MCHR2: variants seen among roughly 807,000 people sequenced by gnomAD.
The protein encoded by MCHR2 is melanin-concentrating hormone receptor 2.
MCHR2 carries 15 observed loss-of-function variants against 24.8 expected under a neutral mutation model. That is an observed-to-expected ratio of 0.60 (90% CI 0.40 to 0.93). The LOEUF (loss-of-function observed/expected upper bound fraction) is 0.93. Ranked by LOEUF, MCHR2 falls within the 40% of genes least tolerant of loss-of-function variation. The pLI, the probability that MCHR2 is intolerant of heterozygous loss-of-function variation, is 0.00. For missense variants in MCHR2, 386 were observed against 408.7 expected (o/e 0.94, Z 0.48); for synonymous variants, 151 against 147.6 (o/e 1.02, Z -0.17).
intron 1 of MCHR2, among the ~76,000 whole-genome samples, chr6:99,985,275 G>A (rs942132078): frequency 1.3e-5 from 2 of 152,046 alleles, no homozygotes; most frequent in African/African-American, 4.8e-5. Context: ...CAGATTCAAT[G>A]AAATTCCTAT....
intron 1 of MCHR2, among the ~76,000 whole-genome samples, chr6:99,971,288 T>C (rs1775412799): frequency 6.6e-6 from 1 of 151,002 alleles, no homozygotes; most frequent in Non-Finnish European, 1.5e-5. Context: ...CCCTTGTAAG[T>C]TGGATTCCTA....
At chr6:99,982,927 G>A (rs9496085) in intron 1 of MCHR2, among the ~76,000 whole-genome samples, 49,242 of 151,770 alleles carry the variant, frequency 0.32, 8,526 homozygotes, top group East Asian at 0.55. Flanking sequence ...GGCTGGTGCC[G>A]GCCATGATGT....
intron 1 of MCHR2, among the ~76,000 whole-genome samples, chr6:99,993,299 C>T (rs779543981): frequency 6.6e-6 from 1 of 152,206 alleles, no homozygotes; most frequent in Non-Finnish European, 1.5e-5. Context: ...TCTCTGACAG[C>T]CGCTAACTAA....
chr6:99,974,269 T>G (rs199902336), intron 1 of MCHR2, among the ~76,000 whole-genome samples: 22 of 81,776 alleles, frequency 2.7e-4, no homozygotes, highest in Admixed American at 2.1e-3. Flanking sequence ...CTTTTTATTC[T>G]TTTTTCTCCA....
intron 1 of MCHR2, among the ~76,000 whole-genome samples, chr6:99,978,519 A>G (rs1307692667): frequency 1.4e-5 from 2 of 145,878 alleles, no homozygotes; most frequent in South Asian, 2.2e-4. Context: ...CCCGGGTTCA[A>G]GTGATTCTCC....
intron 2 of MCHR2, among the ~76,000 whole-genome samples, chr6:99,953,177 A>G (rs1270514215): frequency 6.6e-6 from 1 of 152,180 alleles, no homozygotes; most frequent in Non-Finnish European, 1.5e-5. Context: ...GAGGGATCCA[A>G]GAAATTTCTC....
intron 5 of MCHR2, among the ~76,000 whole-genome samples, chr6:99,932,405 A>G (rs1774565625): frequency 6.6e-6 from 1 of 152,184 alleles, no homozygotes; most frequent in African/African-American, 2.4e-5. Flanking sequence ...CAGCAGATGG[A>G]GCTTAATTCC....
In MCHR2 at chr6:99,937,841, T is replaced by C. The variant is rs116327856; in HGVS notation, c.588-3324A>G. Among the ~76,000 whole-genome samples, 909 of 152,030 alleles carry C rather than the reference T, an allele frequency of 6.0e-3. 10 individuals are homozygous for C. Among genetic ancestry groups the C allele is most frequent in the African/African-American group, 0.021 (870 of 41,532 alleles). On this transcript the variant is annotated intron_variant, in intron 4 of 5. Transcript: ENST00000281806. ...AATGAAGTCATCAGGTCCTGGACTT[T>C]CCTTTGATGAAAGACTTTTTGTTAC...
At chr6:99,989,361 C>T (rs1463850475) in intron 1 of MCHR2, among the ~76,000 whole-genome samples, 5 of 152,100 alleles carry the variant, frequency 3.3e-5, no homozygotes, top group Non-Finnish European at 7.4e-5. Flanking sequence ...TTGTAATGTG[C>T]CAGATACTGT....
Position 99,931,994 on chromosome 6 carries a change from G to A in MCHR2, c.707+2404C>T, listed in dbSNP as rs543586953. Among the ~76,000 whole-genome samples the A allele has an allele frequency of 2.0e-5, 3 of 152,190 alleles. No individual in the cohort carries two copies. In the South Asian group the frequency reaches 6.2e-4, roughly 32 times the overall value. On this transcript the variant is annotated intron_variant, in intron 5 of 5. Coordinates refer to ENST00000281806, the MANE Select transcript of MCHR2 (RefSeq NM_001040179.2). ...CGGCCATCTTGGCTCCTCCCTCCAT[G>A]TCCTTTTATTTCTGATTGAAGTTCT...
chr6:99,967,664 C>A (rs1033561662), intron 1 of MCHR2, among the ~76,000 whole-genome samples: 1 of 152,094 alleles, frequency 6.6e-6, no homozygotes, highest in Non-Finnish European at 1.5e-5. Context: ...TAATGGAAAA[C>A]CACTGAAGAC....
chr6:99,974,027 A>T (rs888284665), intron 1 of MCHR2, among the ~76,000 whole-genome samples: 29 of 152,080 alleles, frequency 1.9e-4, no homozygotes, highest in Non-Finnish European at 3.5e-4. Context: ...TGAATCTGAC[A>T]ATTATGTGTC....
At chr6:99,978,618 C>A (rs1384294511) in intron 1 of MCHR2, among the ~76,000 whole-genome samples, 1 of 152,014 alleles carries the variant, frequency 6.6e-6, no homozygotes, top group Non-Finnish European at 1.5e-5. Context: ...TGGGGTTTCA[C>A]CGTGTTAGCC....
In MCHR2 at chr6:99,947,605, G is replaced by T. The variant is rs372273311; in HGVS notation, c.392+157C>A. 2.0e-5 allele frequency among the ~76,000 whole-genome samples: 3 copies of T among 151,738 alleles called. No individual in the cohort carries two copies. In the East Asian group the frequency reaches 5.9e-4, roughly 30 times the overall value. On this transcript the variant is annotated intron_variant, in intron 3 of 5. Coordinates refer to ENST00000281806, the MANE Select transcript of MCHR2 (RefSeq NM_001040179.2). ...CCATTAAAAATATTCCTCTGTGAAA[G>T]TTGAACAAAATATTCTTAAGTAATC...
intron 3 of MCHR2, among the ~76,000 whole-genome samples, chr6:99,946,578 G>A (rs968272508): frequency 6.6e-6 from 1 of 151,982 alleles, no homozygotes; most frequent in African/African-American, 2.4e-5. Flanking sequence ...AATATTTTTT[G>A]AGCACCTGAG....
chr6:99,922,062 T>C (rs1196806623), intron 5 of MCHR2, among the ~76,000 whole-genome samples: 1 of 152,130 alleles, frequency 6.6e-6, no homozygotes, highest in Non-Finnish European at 1.5e-5. Context: ...ATCTTGGCAA[T>C]TTATATAGCC....
chr6:99,943,458 T>A (rs1223493275), intron 3 of MCHR2, among the ~76,000 whole-genome samples: 1 of 151,666 alleles, frequency 6.6e-6, no homozygotes, highest in East Asian at 1.9e-4. Flanking sequence ...TAGCATTAGG[T>A]ATATCTCCTA....
intron 4 of MCHR2, among the ~76,000 whole-genome samples, chr6:99,938,904 T>A (rs1390572204): frequency 1.3e-5 from 2 of 152,090 alleles, no homozygotes; most frequent in African/African-American, 4.8e-5. Context: ...AATTGTTATA[T>A]CCTTTTGCTG....
At chr6:99,943,818 C>A (rs1774824828) in intron 3 of MCHR2, among the ~76,000 whole-genome samples, 1 of 152,114 alleles carries the variant, frequency 6.6e-6, no homozygotes, top group African/African-American at 2.4e-5. Context: ...TACAAAGGGG[C>A]TTTTCCTATA....
Sources: allele counts gnomAD v4.1 joint callset (sites outside exome capture counted in the v4.1 genomes callset), GRCh38; gene constraint gnomAD v4.1.1; transcripts MANE v1.5; gene names NCBI Gene and HGNC (gene_info 2026-07-23, HGNC 2026-07-21).